NLGN1: variants seen among roughly 807,000 people sequenced by gnomAD.
NLGN1 encodes neuroligin-1.
A neutral mutation model predicts 65.5 loss-of-function variants in NLGN1; 12 were observed. The ratio of observed to expected loss-of-function variants is 0.18; its 90% CI spans 0.12 to 0.30. The LOEUF (loss-of-function observed/expected upper bound fraction) is 0.30, where lower values mean the gene tolerates loss of function less well. Among genes scored for constraint, NLGN1 ranks in the 10% least tolerant of loss-of-function variants. The pLI is 1.00. For missense variants in NLGN1, 750 were observed against 1,007.1 expected (o/e 0.74, Z 3.46); for synonymous variants, 350 against 359.5 (o/e 0.97, Z 0.30).
chr3:173,417,019 T>A (rs1577353347), intron 1 of NLGN1, among the ~76,000 whole-genome samples: 1 of 152,236 alleles, frequency 6.6e-6, no homozygotes, highest in African/African-American at 2.4e-5. Context: ...CTTGCAATTA[T>A]AAAATTGAAA....
chr3:173,789,927 G>A, intron 3 of NLGN1: 1 of 499,546 alleles, frequency 2.0e-6, no homozygotes, highest in South Asian at 1.5e-5. Flanking sequence ...AGGCACCTGT[G>A]AGCTTCATTC....
chr3:173,503,304 G>A (rs548526386), intron 2 of NLGN1, among the ~76,000 whole-genome samples: 1 of 152,204 alleles, frequency 6.6e-6, no homozygotes, highest in East Asian at 1.9e-4. Context: ...TACCTACTGT[G>A]TGCAAAGCAG....
In NLGN1 at chr3:174,076,730, T is replaced by A. The variant is rs1006934464; in HGVS notation, c.647-198585T>A. 6.4e-3 allele frequency among the ~76,000 whole-genome samples: 856 copies of A among 134,524 alleles called. 3 individuals are homozygous for A. Among genetic ancestry groups the A allele is most frequent in the African/African-American group, 0.018 (576 of 31,936 alleles). The allele number at this position is 134,524 out of a possible 152,430, so 88.3% of individuals were successfully genotyped here. The stretch of plus-strand genomic sequence containing the variant: ...GAGAGAGAGAGAGAGAGAGAGTGTG[T>A]GTGTGTGTGTGTGTGTGTGTGTGTG... On this transcript the variant is annotated intron_variant, in intron 4 of 6. Transcript: ENST00000457714.
intron 3 of NLGN1, chr3:173,800,338 G>C: frequency 8.2e-7 from 1 of 1,214,346 alleles, no homozygotes; most frequent in Non-Finnish European, 1.1e-6. Flanking sequence ...GATAATGACG[G>C]TGCTGAAGAT....
intron 4 of NLGN1, among the ~76,000 whole-genome samples, chr3:174,068,376 A>T (rs973104333): frequency 6.6e-6 from 1 of 152,050 alleles, no homozygotes; most frequent in African/African-American, 2.4e-5. Context: ...TTTCTAAATC[A>T]ATAGTAGAGC....
At chr3:173,406,479 G>A (rs927438813) in intron 1 of NLGN1, among the ~76,000 whole-genome samples, 4 of 147,378 alleles carry the variant, frequency 2.7e-5, no homozygotes, top group East Asian at 2.0e-4. Flanking sequence ...ATTTATATAC[G>A]AATATATCTA....
chr3:173,504,389 A>G (rs994683556), intron 2 of NLGN1, among the ~76,000 whole-genome samples: 20 of 152,118 alleles, frequency 1.3e-4, no homozygotes, highest in Non-Finnish European at 2.9e-4. Flanking sequence ...TAGCGTTTTC[A>G]GAAATAGTGT....
chr3:173,488,024 C>A (rs1232009679), intron 2 of NLGN1, among the ~76,000 whole-genome samples: 1 of 151,376 alleles, frequency 6.6e-6, no homozygotes, highest in East Asian at 1.9e-4. Flanking sequence ...TTTATTTTTG[C>A]TTTTTCATTC....
chr3:173,485,690 A>G (rs1576919539), intron 2 of NLGN1, among the ~76,000 whole-genome samples: 3 of 152,220 alleles, frequency 2.0e-5, no homozygotes, highest in South Asian at 2.1e-4. Flanking sequence ...ATCTTTTAAA[A>G]TAGTTATTAG....
At chr3:174,106,804 T>C (rs2152600533) in intron 4 of NLGN1, among the ~76,000 whole-genome samples, 1 of 152,082 alleles carries the variant, frequency 6.6e-6, no homozygotes, top group South Asian at 2.1e-4. Flanking sequence ...CCAAGAGCTG[T>C]GATGTCTGAG....
intron 4 of NLGN1, among the ~76,000 whole-genome samples, chr3:174,184,690 T>G (rs1387852978): frequency 6.6e-6 from 1 of 152,146 alleles, no homozygotes; most frequent in African/African-American, 2.4e-5. Context: ...TTGGTCTCCT[T>G]TCCTGGGCAT....
chr3:174,178,215 A>T, intron 4 of NLGN1, among the ~76,000 whole-genome samples: 1 of 152,016 alleles, frequency 6.6e-6, no homozygotes, highest in East Asian at 1.9e-4. Context: ...CAGATAACTG[A>T]CCCCAGAAGT....
At chr3:173,470,146 A>G (rs1044652503) in intron 2 of NLGN1, among the ~76,000 whole-genome samples, 3 of 152,058 alleles carry the variant, frequency 2.0e-5, no homozygotes, top group Non-Finnish European at 4.4e-5. Context: ...TTGTATCTCT[A>G]ATATGCTCAA....
At chr3:173,675,533 C>G (rs1763003931) in intron 3 of NLGN1, among the ~76,000 whole-genome samples, 1 of 152,038 alleles carries the variant, frequency 6.6e-6, no homozygotes, top group Admixed American at 6.6e-5. Context: ...GGAAAAAGTG[C>G]TTGCTAATAG....
intron 2 of NLGN1, among the ~76,000 whole-genome samples, chr3:173,542,029 C>A (rs1738966535): frequency 6.6e-6 from 1 of 152,014 alleles, no homozygotes; most frequent in Admixed American, 6.6e-5. Flanking sequence ...CTTATTCTCT[C>A]ATACTTAAAC....
chr3:173,410,380 T>G (rs773171427), intron 1 of NLGN1, among the ~76,000 whole-genome samples: 14 of 152,182 alleles, frequency 9.2e-5, no homozygotes, highest in Admixed American at 2.0e-4. Flanking sequence ...AAGCACTGGG[T>G]GGGACATGGT....
At position 173,972,574 on chromosome 3, in the gene NLGN1, G is replaced by C. The variant is rs190733196; in HGVS notation, c.646+164742G>C. 9.4e-4 allele frequency among the ~76,000 whole-genome samples: 143 copies of C among 152,152 alleles called. 2 individuals are homozygous for C. In the Middle Eastern group the frequency reaches 0.014, roughly 14 times the overall value. On this transcript the variant is annotated intron_variant, in intron 4 of 6. Coordinates refer to ENST00000457714, the Ensembl canonical transcript of NLGN1. ...CTTTCACAAATGTGGAAGAGAAAGA[G>C]ATAAAAATGAGAAAAGATAATGATA...
At chr3:173,449,307 C>G (rs544009877) in intron 2 of NLGN1, among the ~76,000 whole-genome samples, 12 of 152,214 alleles carry the variant, frequency 7.9e-5, no homozygotes, top group Admixed American at 2.0e-4. Flanking sequence ...TTTCTGCCTT[C>G]ATTTCATTAT....
chr3:173,843,169 T>C (rs990885037), intron 4 of NLGN1, among the ~76,000 whole-genome samples: 13 of 152,144 alleles, frequency 8.5e-5, no homozygotes, highest in Admixed American at 5.9e-4. Context: ...GCTTGAGTGG[T>C]TGGCACACAG....
Sources: allele counts gnomAD v4.1 joint callset (sites outside exome capture counted in the v4.1 genomes callset), GRCh38; gene constraint gnomAD v4.1.1; transcripts MANE v1.5; gene names NCBI Gene and HGNC (gene_info 2026-07-23, HGNC 2026-07-21).